The following CDH12 variants were observed in gnomAD, a reference collection of about 807,000 sequenced individuals.
CDH12 encodes the protein cadherin-12.
CDH12 carries 41 observed loss-of-function variants against 74.1 expected under a neutral mutation model. The ratio of observed to expected loss-of-function variants is 0.55; its 90% confidence interval spans 0.43 to 0.72. The LOEUF is 0.72. Ranked by LOEUF, CDH12 falls within the 30% of genes least tolerant of loss-of-function variation. The pLI is 0.00. For synonymous variants in CDH12, 399 were observed against 355.0 expected, an observed-to-expected ratio of 1.12 and a Z score of -1.39; for missense variants, 945 against 977.2, an observed-to-expected ratio of 0.97 and a Z score of 0.44.
intron 6 of CDH12, among the ~76,000 whole-genome samples, chr5:21,867,104 C>T (rs1215546063): frequency 6.6e-6 from 1 of 152,144 alleles, no homozygotes; most frequent in Non-Finnish European, 1.5e-5. Context: ...CCTGTAATCC[C>T]AGCACTTTGG....
rs551565385 is a variant in CDH12, at chr5:21,884,181, G to A, written c.527-29391C>T. On this transcript the variant is annotated intron_variant, in intron 6 of 14. Coordinates refer to ENST00000382254, the MANE Select transcript of CDH12 (RefSeq NM_004061.5). ...AAAGCTTGTGAGAACTGCTTTATTGGATGCTGCTGGTGTGGCCTCTCTGTT... is the reference window on the plus strand; with the variant it reads ...AAAGCTTGTGAGAACTGCTTTATTGAATGCTGCTGGTGTGGCCTCTCTGTT... The A allele has an allele frequency of 3.1e-5, 49 of 1,584,712 alleles. No individual in the cohort carries two copies. The African/African-American group carries it at 4.8e-4, about 16-fold the overall frequency.
intron 1 of CDH12, among the ~76,000 whole-genome samples, chr5:22,707,807 T>G (rs1743094216): frequency 6.6e-6 from 1 of 152,144 alleles, no homozygotes; most frequent in Admixed American, 6.6e-5. Flanking sequence ...TAAAACTTTT[T>G]TTTTCTAAGG....
rs78708205 is a variant in CDH12, at chr5:22,354,608, T to A, written c.-333+50649A>T. Among the ~76,000 whole-genome samples the A allele has an allele frequency of 1.4e-3, 212 of 152,270 alleles. 2 individuals carry two copies. The East Asian group carries it at 0.029, about 21-fold the overall frequency. Reference sequence around the variant, plus strand: ...CAGATATCTAGGTCATACTGGAGGATCTGCTGGGGAGAAGGGAATAAAGAG... The same window carrying A: ...CAGATATCTAGGTCATACTGGAGGAACTGCTGGGGAGAAGGGAATAAAGAG... On this transcript the variant is annotated intron_variant, in intron 3 of 14. Transcript: ENST00000382254.
At chr5:21,924,355 A>C (rs1754493430) in intron 6 of CDH12, among the ~76,000 whole-genome samples, 1 of 152,056 alleles carries the variant, frequency 6.6e-6, no homozygotes, top group Non-Finnish European at 1.5e-5. Context: ...GTCTCTACTA[A>C]AAATACAAAA....
intron 8 of CDH12, among the ~76,000 whole-genome samples, chr5:21,825,473 T>C (rs1246584855): frequency 2.6e-5 from 4 of 152,194 alleles, no homozygotes; most frequent in Admixed American, 1.3e-4. Context: ...GAGTTATTCT[T>C]GATGAGACAC....
chr5:22,715,849 A>G (rs1443163210), intron 1 of CDH12, among the ~76,000 whole-genome samples: 4 of 151,692 alleles, frequency 2.6e-5, no homozygotes, highest in Admixed American at 1.3e-4. Context: ...AGAAATATAT[A>G]CATATGGCTA....
At chr5:22,343,911 A>G (rs1233709492) in intron 3 of CDH12, among the ~76,000 whole-genome samples, 1 of 152,234 alleles carries the variant, frequency 6.6e-6, no homozygotes, top group Non-Finnish European at 1.5e-5. Flanking sequence ...TGTTGTAGAT[A>G]CATTTTCACT....
intron 5 of CDH12, among the ~76,000 whole-genome samples, chr5:22,025,754 C>G (rs554573866): frequency 6.6e-6 from 1 of 152,100 alleles, no homozygotes. Flanking sequence ...ATGAACTCAG[C>G]GTAATGTAAT....
Position 21,816,964 on chromosome 5 carries a change from C to T in CDH12, c.983G>A (p.Gly328Glu). 1 of 1,608,360 alleles carries T rather than the reference C, an allele frequency of 6.2e-7. No homozygotes were observed. Among genetic ancestry groups the T allele is most frequent in the Non-Finnish European group, 8.5e-7 (1 of 1,176,772 alleles). Residue 328 changes from glycine to glutamate, a missense_variant, in exon 9 of 15, where the codon GGA (glycine) becomes GAA (glutamate). Physicochemically the swap from Gly to Glu is moderately conservative, Grantham distance 98. This residue lies in a region of CDH12 where 791 missense variants were observed against 792.8 expected (regional missense o/e 1.00). Transcript: ENST00000382254. ...ATATACCTTTTTCAATTTGATGACT[C>T]CCTCTTGTGTATCCTCATCTGTGAC... ...DIVTDEDTQE[G>E]VIKLKKPLDF...
At chr5:22,132,003 A>G (rs1481776495) in intron 4 of CDH12, among the ~76,000 whole-genome samples, 2 of 152,136 alleles carry the variant, frequency 1.3e-5, no homozygotes, top group African/African-American at 4.8e-5. Flanking sequence ...TAAAACGTGT[A>G]TCTCCATGGA....
chr5:22,618,047 C>T, intron 1 of CDH12, among the ~76,000 whole-genome samples: 1 of 152,044 alleles, frequency 6.6e-6, no homozygotes. Flanking sequence ...CTCCAGTTTG[C>T]TATAAAGAAT....
intron 2 of CDH12, among the ~76,000 whole-genome samples, chr5:22,415,181 T>C (rs1461289166): frequency 6.6e-6 from 1 of 152,012 alleles, no homozygotes. Context: ...TTAAAGTGCC[T>C]AAAAATAAGT....
At chr5:21,881,436 A>C (rs527906848) in intron 6 of CDH12, among the ~76,000 whole-genome samples, 1 of 152,190 alleles carries the variant, frequency 6.6e-6, no homozygotes, top group African/African-American at 2.4e-5. Context: ...CTTTTAGTTA[A>C]GTGGTGGAGC....
At chr5:22,562,602 G>A (rs1481622765) in intron 1 of CDH12, among the ~76,000 whole-genome samples, 4 of 150,604 alleles carry the variant, frequency 2.7e-5, no homozygotes, top group Non-Finnish European at 5.9e-5. Flanking sequence ...TTTTTCTTAT[G>A]AAAATAAGAG....
chr5:22,424,444 G>T (rs1018016865), intron 2 of CDH12, among the ~76,000 whole-genome samples: 4 of 152,130 alleles, frequency 2.6e-5, no homozygotes, highest in African/African-American at 9.7e-5. Flanking sequence ...GAGCTCAAAG[G>T]CAGCCAGCCT....
chr5:21,883,286 A>T, intron 6 of CDH12: 1 of 1,445,116 alleles, frequency 6.9e-7, no homozygotes, highest in East Asian at 2.3e-5. Context: ...TTAATACATC[A>T]AAAGGTCAGA....
chr5:22,694,955 G>T (rs1158500977), intron 1 of CDH12, among the ~76,000 whole-genome samples: 1 of 151,972 alleles, frequency 6.6e-6, no homozygotes, highest in Non-Finnish European at 1.5e-5. Flanking sequence ...AGCCCCGCAT[G>T]CATTAGGTAT....
chr5:21,880,475 C>CTTCCTTCCTTCCTTCCTTCCT (rs1752189896), intron 6 of CDH12, among the ~76,000 whole-genome samples: 2 of 18,482 alleles, frequency 1.1e-4, no homozygotes, highest in African/African-American at 1.5e-4. Flanking sequence ...TCTTTCCTTC[C>CTTCCTTCCTTCCTTCCTTCCT]TTCCTTCCTT....
At chr5:21,785,865 C>T (rs1342364955) in intron 10 of CDH12, among the ~76,000 whole-genome samples, 1 of 152,150 alleles carries the variant, frequency 6.6e-6, no homozygotes, top group Non-Finnish European at 1.5e-5. Context: ...GGTGGCTACA[C>T]TAAACAACAG....
Sources: allele counts gnomAD v4.1 joint callset (sites outside exome capture counted in the v4.1 genomes callset), GRCh38; gene constraint gnomAD v4.1.1; regional missense constraint gnomAD v4.1.1; transcripts MANE v1.5; gene names NCBI Gene and HGNC (gene_info 2026-07-23, HGNC 2026-07-21).